Variants in CAMK1D observed in about 807,000 individuals in gnomAD.
CAMK1D encodes calcium/calmodulin-dependent protein kinase type 1D.
CAMK1D carries 9 observed loss-of-function variants against 47.7 expected under a neutral mutation model. The ratio of observed to expected loss-of-function variants is 0.19; its 90% CI spans 0.11 to 0.33. CAMK1D has a LOEUF of 0.33. CAMK1D is among the 10% of genes least tolerant of loss of function. The pLI is 1.00. For missense variants in CAMK1D, 291 were observed against 488.7 expected, an observed-to-expected ratio of 0.60 and a Z score of 3.81; for synonymous variants, 184 against 184.9, an observed-to-expected ratio of 0.99 and a Z score of 0.04.
At position 12,811,041 on chromosome 10, in the gene CAMK1D, G is replaced by A. The variant is rs916800716; in HGVS notation, c.642-3154G>A. On this transcript the variant is annotated intron_variant, in intron 6 of 10. Coordinates refer to ENST00000619168, the MANE Select transcript of CAMK1D (RefSeq NM_153498.4). ...AGAGTTCTTCCTAGAAGACAGACCC[G>A]AAGCTGGGATGGAGGCAGTGAAGAG... 3.9e-5 allele frequency among the ~76,000 whole-genome samples: 6 copies of A among 152,228 alleles called. No homozygotes were observed. In the South Asian group the frequency reaches 6.2e-4, roughly 16 times the overall value.
chr10:12,569,554 C>CAA (rs561300490), intron 2 of CAMK1D, among the ~76,000 whole-genome samples: 6,024 of 135,760 alleles, frequency 0.044, 404 homozygotes, highest in African/African-American at 0.15. Flanking sequence ...ACTAAAAATA[C>CAA]AAAAAAAAAA....
intron 1 of CAMK1D, among the ~76,000 whole-genome samples, chr10:12,421,891 A>G (rs1249572163): frequency 6.7e-6 from 1 of 149,888 alleles, no homozygotes; most frequent in Admixed American, 6.7e-5. Flanking sequence ...ATCTTGGCTC[A>G]CTGCAGCCTT....
intron 2 of CAMK1D, among the ~76,000 whole-genome samples, chr10:12,631,819 A>G (rs1156925983): frequency 6.6e-6 from 1 of 152,148 alleles, no homozygotes; most frequent in Non-Finnish European, 1.5e-5. Context: ...GCTCCAGGCA[A>G]ATAAAGTGAT....
At chr10:12,738,291 A>G (rs1318885519) in intron 3 of CAMK1D, among the ~76,000 whole-genome samples, 1 of 152,246 alleles carries the variant, frequency 6.6e-6, no homozygotes, top group African/African-American at 2.4e-5. Context: ...ACTAGTGAAC[A>G]AGAGATGCAA....
chr10:12,441,434 T>C (rs1450732516), intron 1 of CAMK1D, among the ~76,000 whole-genome samples: 2 of 151,878 alleles, frequency 1.3e-5, no homozygotes, highest in Non-Finnish European at 2.9e-5. Flanking sequence ...TGGGTTCAAG[T>C]GATCCACCCA....
intron 1 of CAMK1D, among the ~76,000 whole-genome samples, chr10:12,369,679 C>A (rs1187251249): frequency 6.6e-6 from 1 of 152,182 alleles, no homozygotes; most frequent in South Asian, 2.1e-4. Context: ...ATTATGTTGG[C>A]CAGGCGTGGC....
rs186223298 is a variant in CAMK1D, at chr10:12,481,650, C to G, written c.93-71575C>G. On this transcript the variant is annotated intron_variant, in intron 1 of 10. Transcript: ENST00000619168. ...TCAGCCTCCTGAGCAGCCGCGATTACAGGCGTGTACCACCACGCCCGGCTA... is the reference window on the plus strand; with the variant it reads ...TCAGCCTCCTGAGCAGCCGCGATTAGAGGCGTGTACCACCACGCCCGGCTA... Among the ~76,000 whole-genome samples the G allele has an allele frequency of 2.5e-3, 385 of 152,286 alleles. 6 individuals carry two copies. Among genetic ancestry groups the G allele is most frequent in the African/African-American group, 8.9e-3 (370 of 41,572 alleles).
In CAMK1D at chr10:12,677,949, G is replaced by A. The variant is rs79309836; in HGVS notation, c.299+11139G>A. 3.9e-3 allele frequency among the ~76,000 whole-genome samples: 595 copies of A among 152,090 alleles called. 7 individuals are homozygous for A. The highest frequency in any genetic ancestry group is 0.013 in the African/African-American group (547 of 41,476). ...CTGCTTTGTCCTTCTCCGGACTAAC[G>A]ATTGAATATGCTTTGTTCTTTATTT... On this transcript the variant is annotated intron_variant, in intron 3 of 10. Coordinates refer to ENST00000619168, the MANE Select transcript of CAMK1D (RefSeq NM_153498.4).
At chr10:12,411,521 G>A (rs377516679) in intron 1 of CAMK1D, among the ~76,000 whole-genome samples, 74 of 150,768 alleles carry the variant, frequency 4.9e-4, no homozygotes, top group African/African-American at 1.6e-3. Flanking sequence ...GCCCTGTGCC[G>A]ATGGAAAAAA....
At chr10:12,685,959 G>A (rs1255341924) in intron 3 of CAMK1D, among the ~76,000 whole-genome samples, 1 of 152,188 alleles carries the variant, frequency 6.6e-6, no homozygotes, top group South Asian at 2.1e-4. Context: ...CCAGACTACA[G>A]CTGCCCCCTC....
intron 3 of CAMK1D, among the ~76,000 whole-genome samples, chr10:12,691,472 G>A (rs1197076162): frequency 3.9e-5 from 5 of 128,350 alleles, no homozygotes; most frequent in Admixed American, 8.9e-5. Context: ...TCGCTCTGTC[G>A]CCCAGGCTGA....
At chr10:12,760,007 CT>C (rs1836425321) in intron 3 of CAMK1D, among the ~76,000 whole-genome samples, 1 of 151,610 alleles carries the variant, frequency 6.6e-6, no homozygotes, top group Non-Finnish European at 1.5e-5. Context: ...ATGTTTCTTT[CT>C]TTTTTTTCAG....
At chr10:12,647,545 A>G (rs114979814) in intron 2 of CAMK1D, among the ~76,000 whole-genome samples, 2,169 of 152,292 alleles carry the variant, frequency 0.014, 40 homozygotes, top group South Asian at 0.067. Context: ...GTAAATATAT[A>G]TATACATATT....
At chr10:12,383,066 T>C (rs550012808) in intron 1 of CAMK1D, among the ~76,000 whole-genome samples, 1 of 152,134 alleles carries the variant, frequency 6.6e-6, no homozygotes, top group Non-Finnish European at 1.5e-5. Context: ...CCTGCACTTC[T>C]CTCTATGTAT....
intron 2 of CAMK1D, among the ~76,000 whole-genome samples, chr10:12,576,098 CA>C (rs1219591559): frequency 6.6e-6 from 1 of 152,094 alleles, no homozygotes; most frequent in East Asian, 1.9e-4. Context: ...CTAGTGAAAG[CA>C]AAAATGTGAA....
At chr10:12,694,322 T>TACATA in intron 3 of CAMK1D, among the ~76,000 whole-genome samples, 1 of 54,138 alleles carries the variant, frequency 1.8e-5, no homozygotes, top group Non-Finnish European at 3.2e-5. Context: ...TAAAATATAA[T>TACATA]ATATAAAGTA....
intron 6 of CAMK1D, among the ~76,000 whole-genome samples, chr10:12,802,297 G>C (rs1372289132): frequency 6.6e-6 from 1 of 152,150 alleles, no homozygotes. Context: ...TTTTGCCTTT[G>C]TATCTTCTTG....
At chr10:12,655,892 TG>T (rs1234650101) in intron 2 of CAMK1D, among the ~76,000 whole-genome samples, 2 of 152,244 alleles carry the variant, frequency 1.3e-5, no homozygotes, top group Non-Finnish European at 2.9e-5. Flanking sequence ...AACCTATTGA[TG>T]CACAAGTTGT....
Position 12,681,958 on chromosome 10 carries a change from G to A in CAMK1D, c.299+15148G>A, listed in dbSNP as rs542696548. On this transcript the variant is annotated intron_variant, in intron 3 of 10. Coordinates refer to ENST00000619168, the MANE Select transcript of CAMK1D (RefSeq NM_153498.4). ...TAGTTGGCTGGGTGCGGTGGCTCAC[G>A]CCTGTAATCCCAGCACTTTGGGAGG... 1.5e-4 allele frequency among the ~76,000 whole-genome samples: 23 copies of A among 152,318 alleles called. No homozygotes were observed. The East Asian group carries it at 3.7e-3, about 24-fold the overall frequency.
Sources: allele counts gnomAD v4.1 joint callset (sites outside exome capture counted in the v4.1 genomes callset), GRCh38; gene constraint gnomAD v4.1.1; transcripts MANE v1.5; gene names NCBI Gene and HGNC (gene_info 2026-07-23, HGNC 2026-07-21).